The following NRXN1 variants were observed in gnomAD, a reference collection of about 807,000 sequenced individuals.
NRXN1 encodes neurexin 1, also known as neurexin-1.
In NRXN1, 39 loss-of-function variants were observed where a neutral mutation model predicts 150.9. That is an observed-to-expected ratio of 0.26 (90% CI 0.20 to 0.34). NRXN1 has a LOEUF of 0.34. Among genes scored for constraint, NRXN1 ranks in the 10% least tolerant of loss-of-function variants. The probability of loss-of-function intolerance (pLI) is 1.00; values close to 1 mark genes in which losing one functional copy is unlikely to be tolerated. For synonymous variants in NRXN1, 924 were observed against 757.0 expected, an observed-to-expected ratio of 1.22 and a Z score of -3.62; for missense variants, 1,815 against 1,949.9, an observed-to-expected ratio of 0.93 and a Z score of 1.30.
At chr2:50,050,287 C>T (rs1475314131) in intron 21 of NRXN1, among the ~76,000 whole-genome samples, 1 of 151,624 alleles carries the variant, frequency 6.6e-6, no homozygotes, top group Non-Finnish European at 1.5e-5. Context: ...ACATTTCTTC[C>T]CTATTACTAT....
chr2:50,488,533 C>T (rs1291483909), intron 15 of NRXN1, among the ~76,000 whole-genome samples: 3 of 152,154 alleles, frequency 2.0e-5, no homozygotes, highest in Non-Finnish European at 4.4e-5. Flanking sequence ...CCAAGTGAGG[C>T]TGCAACACTG....
At chr2:50,296,948 C>T (rs545689225) in intron 17 of NRXN1, among the ~76,000 whole-genome samples, 8 of 145,270 alleles carry the variant, frequency 5.5e-5, no homozygotes, top group African/African-American at 2.0e-4. Flanking sequence ...AGTGGCACAA[C>T]CCTGGCTCAC....
intron 2 of NRXN1, among the ~76,000 whole-genome samples, chr2:51,016,079 A>G (rs995821281): frequency 2.0e-5 from 3 of 152,110 alleles, no homozygotes; most frequent in African/African-American, 7.2e-5. Flanking sequence ...CACATCTACA[A>G]CCATCTGATC....
At chr2:49,924,840 A>C (rs1464767960) in intron 22 of NRXN1, among the ~76,000 whole-genome samples, 1 of 152,224 alleles carries the variant, frequency 6.6e-6, no homozygotes, top group Non-Finnish European at 1.5e-5. Context: ...ATTCACATTA[A>C]AATTTTAATA....
intron 8 of NRXN1, among the ~76,000 whole-genome samples, chr2:50,566,409 A>AT (rs35437819): frequency 0.42 from 54,755 of 129,824 alleles, 12,138 homozygotes; most frequent in East Asian, 0.64. Context: ...ACGCCCAGCT[A>AT]TTTTTTTTTT....
intron 2 of NRXN1, among the ~76,000 whole-genome samples, chr2:50,981,402 C>T (rs1251669588): frequency 2.3e-5 from 3 of 132,116 alleles, no homozygotes; most frequent in Non-Finnish European, 4.7e-5. Context: ...AGGTTGCAGT[C>T]AGCCAAGATC....
At chr2:50,461,282 A>G (rs903080311) in intron 17 of NRXN1, among the ~76,000 whole-genome samples, 2 of 151,972 alleles carry the variant, frequency 1.3e-5, no homozygotes, top group Non-Finnish European at 2.9e-5. Flanking sequence ...GCCTTTTAAT[A>G]AAACAGCACC....
At chr2:50,120,236 A>T (rs750655820) in intron 18 of NRXN1, among the ~76,000 whole-genome samples, 31 of 152,008 alleles carry the variant, frequency 2.0e-4, no homozygotes, top group Non-Finnish European at 3.8e-4. Context: ...TTAAAATTTT[A>T]AAAAATGGTA....
chr2:50,838,589 C>G (rs1279773229), intron 5 of NRXN1, among the ~76,000 whole-genome samples: 1 of 152,068 alleles, frequency 6.6e-6, no homozygotes, highest in African/African-American at 2.4e-5. Flanking sequence ...TCCAGTATGA[C>G]TGGCGTCTTT....
intron 5 of NRXN1, among the ~76,000 whole-genome samples, chr2:50,888,418 A>C (rs1234128497): frequency 6.6e-6 from 1 of 151,576 alleles, no homozygotes; most frequent in Non-Finnish European, 1.5e-5. Flanking sequence ...AGAACAGCTC[A>C]GGGCTAAGGT....
intron 18 of NRXN1, among the ~76,000 whole-genome samples, chr2:50,209,729 A>T (rs577706155): frequency 1.3e-5 from 2 of 152,068 alleles, no homozygotes; most frequent in South Asian, 4.1e-4. Context: ...CATTTAACAG[A>T]TATCTGATTT....
chr2:50,754,471 T>C (rs1463059803), intron 5 of NRXN1, among the ~76,000 whole-genome samples: 3 of 151,854 alleles, frequency 2.0e-5, no homozygotes, highest in Non-Finnish European at 4.4e-5. Context: ...CCATACAAAA[T>C]ATTACGGAAT....
At chr2:50,391,490 C>T (rs960096622) in intron 17 of NRXN1, among the ~76,000 whole-genome samples, 3 of 151,962 alleles carry the variant, frequency 2.0e-5, no homozygotes, top group East Asian at 1.9e-4. Context: ...ATTTGAAATA[C>T]AATAAAAGCA....
In NRXN1 at chr2:50,908,906, C is replaced by T. The variant is rs186052135; in HGVS notation, c.832+12963G>A. Among the ~76,000 whole-genome samples the T allele has an allele frequency of 1.0e-3, 153 of 152,100 alleles. 3 individuals are homozygous for T. Among genetic ancestry groups the T allele is most frequent in the Non-Finnish European group, 1.0e-4 (7 of 67,980 alleles). On this transcript the variant is annotated intron_variant, in intron 5 of 22. Coordinates refer to ENST00000401669, the MANE Select transcript of NRXN1 (RefSeq NM_001330078.2). ...CACATGTTATGATGCAGCAAGAAGG[C>T]CCTCACTGGTTGCTAGTGCCATGCT...
chr2:50,299,459 T>C (rs1479835352), intron 17 of NRXN1, among the ~76,000 whole-genome samples: 1 of 152,004 alleles, frequency 6.6e-6, no homozygotes, highest in Non-Finnish European at 1.5e-5. Context: ...TTTAAATGTC[T>C]TTTTCCCCCT....
At chr2:49,934,118 T>G (rs1195268820) in intron 22 of NRXN1, among the ~76,000 whole-genome samples, 1 of 152,222 alleles carries the variant, frequency 6.6e-6, no homozygotes. Context: ...AAAATTTTAT[T>G]ATGATATTTT....
intron 18 of NRXN1, among the ~76,000 whole-genome samples, chr2:50,094,914 C>A (rs974181312): frequency 6.6e-6 from 1 of 152,040 alleles, no homozygotes; most frequent in Non-Finnish European, 1.5e-5. Context: ...CTGTAAAGAA[C>A]CAAATGCTTC....
chr2:50,859,297 C>A (rs1675742121), intron 5 of NRXN1, among the ~76,000 whole-genome samples: 1 of 151,966 alleles, frequency 6.6e-6, no homozygotes, highest in Admixed American at 6.6e-5. Flanking sequence ...ACTTCTCAAA[C>A]CAGCACACCT....
intron 5 of NRXN1, among the ~76,000 whole-genome samples, chr2:50,831,745 T>C (rs940983204): frequency 6.6e-6 from 1 of 152,232 alleles, no homozygotes; most frequent in Non-Finnish European, 1.5e-5. Context: ...CAAGAGAGCA[T>C]TCTCCGGAAT....
Sources: allele counts gnomAD v4.1 joint callset (sites outside exome capture counted in the v4.1 genomes callset), GRCh38; gene constraint gnomAD v4.1.1; transcripts MANE v1.5; gene names NCBI Gene and HGNC (gene_info 2026-07-23, HGNC 2026-07-21).